DNAH7: variants seen among roughly 807,000 people sequenced by gnomAD.
DNAH7 encodes the protein dynein axonemal heavy chain 7, also known as axonemal beta dynein heavy chain 7.
In DNAH7, 397 loss-of-function variants were observed where a neutral mutation model predicts 444.6. The observed-to-expected ratio is 0.89, with a 90% CI of 0.82 to 0.97. The LOEUF is 0.97. Ranked by LOEUF, DNAH7 falls within the 50% of genes least tolerant of loss-of-function variation. The pLI, the probability that DNAH7 is intolerant of heterozygous loss-of-function variation, is 0.00. For synonymous variants in DNAH7, 1,636 were observed against 1,624.4 expected (o/e 1.01, Z -0.17); for missense variants, 4,902 against 4,800.8 (o/e 1.02, Z -0.62).
intron 9 of DNAH7, among the ~76,000 whole-genome samples, chr2:196,013,303 A>C (rs1694826763): frequency 6.6e-6 from 1 of 152,196 alleles, no homozygotes; most frequent in Admixed American, 6.5e-5. Context: ...CATTTCAGGC[A>C]GCCATGGATT....
chr2:196,045,927 G>A (rs1373747412), intron 5 of DNAH7, among the ~76,000 whole-genome samples: 4 of 151,840 alleles, frequency 2.6e-5, no homozygotes, highest in Admixed American at 6.6e-5. Context: ...AAATACAAAC[G>A]GGATTAAACA....
intron 60 of DNAH7, among the ~76,000 whole-genome samples, chr2:195,773,515 A>G (rs1694936892): frequency 6.6e-6 from 1 of 152,102 alleles, no homozygotes; most frequent in African/African-American, 2.4e-5. Context: ...TATTTCTCAC[A>G]CACAAAGATC....
intron 19 of DNAH7, among the ~76,000 whole-genome samples, chr2:195,950,444 C>T (rs766988555): frequency 2.6e-5 from 4 of 151,942 alleles, no homozygotes; most frequent in African/African-American, 4.8e-5. Context: ...TCTGTGGGGC[C>T]GGTGGTGATA....
chr2:195,891,828 A>G (rs1702031271), intron 30 of DNAH7, 24 bp from the exon 31 acceptor site: 1 of 1,530,926 alleles, frequency 6.5e-7, no homozygotes, highest in East Asian at 2.3e-5. Context: ...AAAAACATTT[A>G]TTTATGTAAA....
At chr2:195,923,870 T>G in intron 22 of DNAH7, 63 bp from the exon 23 acceptor site, 3 of 1,358,252 alleles carry the variant, frequency 2.2e-6, no homozygotes, top group South Asian at 2.4e-5. Context: ...GAACAAAACA[T>G]TCTGAACTAG....
At chr2:195,785,431 G>A (rs770636295) in intron 58 of DNAH7, among the ~76,000 whole-genome samples, 2 of 151,984 alleles carry the variant, frequency 1.3e-5, no homozygotes, top group South Asian at 2.1e-4. Flanking sequence ...GTACAATGTC[G>A]AAAGCAGTAG....
chr2:196,068,444 T>TC (rs1559386917), intron 1 of DNAH7: 1 of 549,066 alleles, frequency 1.8e-6, no homozygotes, highest in Non-Finnish European at 3.2e-6. Context: ...GGGCTGTGGC[T>TC]CCCCCTGCTG....
At chr2:196,033,818 T>C (rs1304201198) in intron 5 of DNAH7, among the ~76,000 whole-genome samples, 3 of 152,214 alleles carry the variant, frequency 2.0e-5, no homozygotes, top group South Asian at 2.1e-4. Context: ...AAAATGAGAT[T>C]GCTAGATCAT....
intron 19 of DNAH7, among the ~76,000 whole-genome samples, chr2:195,944,189 C>G (rs185279764): frequency 2.6e-5 from 4 of 151,364 alleles, no homozygotes; most frequent in Non-Finnish European, 5.9e-5. Flanking sequence ...GTTAAGTCCA[C>G]CCCTAAGTGG....
intron 21 of DNAH7, among the ~76,000 whole-genome samples, chr2:195,930,168 C>A (rs1261788238): frequency 6.6e-6 from 1 of 152,128 alleles, no homozygotes; most frequent in Non-Finnish European, 1.5e-5. Flanking sequence ...CACGATGAAA[C>A]CACGTCTCTA....
At chr2:195,845,939 T>C (rs1029121455) in intron 46 of DNAH7, among the ~76,000 whole-genome samples, 7 of 152,234 alleles carry the variant, frequency 4.6e-5, no homozygotes, top group Non-Finnish European at 7.3e-5. Flanking sequence ...ATTCTAGACA[T>C]AGGCCCTGGC....
intron 7 of DNAH7, among the ~76,000 whole-genome samples, chr2:196,025,011 C>T (rs533791446): frequency 2.0e-5 from 3 of 152,192 alleles, no homozygotes; most frequent in East Asian, 3.9e-4. Context: ...AGTGTAACAA[C>T]GATTTACATA....
At chr2:195,862,724 T>C (rs1700095173) in intron 41 of DNAH7, among the ~76,000 whole-genome samples, 1 of 152,172 alleles carries the variant, frequency 6.6e-6, no homozygotes, top group Admixed American at 6.5e-5. Flanking sequence ...TTTTTGTCTT[T>C]CCAGTTTCCT....
chr2:195,813,849 T>C (rs1365091054), intron 51 of DNAH7, among the ~76,000 whole-genome samples: 1 of 152,218 alleles, frequency 6.6e-6, no homozygotes, highest in African/African-American at 2.4e-5. Flanking sequence ...TCCCCAACAA[T>C]AGAAAACTAA....
At chr2:195,884,338 T>A (rs536064483) in intron 35 of DNAH7, among the ~76,000 whole-genome samples, 33 of 152,368 alleles carry the variant, frequency 2.2e-4, no homozygotes, top group African/African-American at 7.7e-4. Context: ...TATTATCTCA[T>A]AGTATCATTG....
At chr2:195,738,331 T>G (rs1251836280) in intron 64 of DNAH7, among the ~76,000 whole-genome samples, 1 of 152,230 alleles carries the variant, frequency 6.6e-6, no homozygotes, top group Non-Finnish European at 1.5e-5. Flanking sequence ...TCGCCTTCTC[T>G]TTCTAAAAGC....
chr2:196,001,619 A>G (rs1559322245), intron 11 of DNAH7, 56 bp downstream of exon 11: 1 of 1,377,630 alleles, frequency 7.3e-7, no homozygotes, highest in Non-Finnish European at 9.7e-7. Context: ...CCTCTCTGAA[A>G]TAATTAAAAA....
chr2:195,752,594 GAA>G (rs1241608071), intron 63 of DNAH7, among the ~76,000 whole-genome samples: 1 of 152,118 alleles, frequency 6.6e-6, no homozygotes, highest in Non-Finnish European at 1.5e-5. Context: ...GATGCTATCA[GAA>G]AAGAGAAATA....
In DNAH7 at chr2:195,759,598, G is replaced by A. The variant is rs371274189; in HGVS notation, c.11434-3313C>T. 3.0e-4 allele frequency among the ~76,000 whole-genome samples: 46 copies of A among 152,168 alleles called. 1 individual carries two copies. The East Asian group carries it at 6.8e-3, about 22-fold the overall frequency. On this transcript the variant is annotated intron_variant, in intron 61 of 64. Transcript: ENST00000312428. ...GGTATGCACCAAGAGGTCTCCTAGG[G>A]TCCCCAATTCCAGGCCTTGGCTCCT... is the stretch of plus-strand genomic sequence containing the variant.
Sources: gnomAD v4.1 joint callset for allele counts (sites outside exome capture counted in the v4.1 genomes callset) on GRCh38, gnomAD v4.1.1 for gene constraint, MANE v1.5 for transcripts, NCBI Gene and HGNC (gene_info 2026-07-23, HGNC 2026-07-21) for gene names.